The following TMEM217 variants were observed in gnomAD, a reference collection of about 807,000 sequenced individuals.
TMEM217 encodes chromosome 6 open reading frame 128.
For missense variants in TMEM217, 204 were observed against 248.8 expected, an observed-to-expected ratio of 0.82 and a Z score of 1.21; for synonymous variants, 76 against 88.3, an observed-to-expected ratio of 0.86 and a Z score of 0.78.
intron 1 of TMEM217, among the ~76,000 whole-genome samples, chr6:37,247,491 A>C (rs1765158059): frequency 6.6e-6 from 1 of 151,424 alleles, no homozygotes; most frequent in African/African-American, 2.4e-5. Context: ...GGGTTAAAGC[A>C]ATTCTACTGC....
intron 1 of TMEM217, among the ~76,000 whole-genome samples, chr6:37,238,350 T>C (rs1371459739): frequency 6.6e-6 from 1 of 152,232 alleles, no homozygotes; most frequent in Non-Finnish European, 1.5e-5. Flanking sequence ...CTACTATTTA[T>C]TATGCATATA....
chr6:37,213,784 G>A (rs994325364), downstream of TMEM217, among the ~76,000 whole-genome samples: 2 of 152,216 alleles, frequency 1.3e-5, no homozygotes, highest in Non-Finnish European at 1.5e-5. Context: ...CAGCGCAAAC[G>A]TTCCTCCACA....
At chr6:37,221,185 G>A (rs536496524) in intron 1 of TMEM217, among the ~76,000 whole-genome samples, 1 of 151,468 alleles carries the variant, frequency 6.6e-6, no homozygotes, top group East Asian at 1.9e-4. Context: ...TCATGTAAGT[G>A]GAGTCTTTTT....
intron 1 of TMEM217, among the ~76,000 whole-genome samples, chr6:37,230,053 T>C (rs1332537622): frequency 6.6e-6 from 1 of 152,246 alleles, no homozygotes; most frequent in Non-Finnish European, 1.5e-5. Flanking sequence ...ACTTCCTTGC[T>C]GGCTGTTAGC....
exon 1 of TMEM217, chr6:37,257,811 C>A (rs1223685281): frequency 8.6e-6 from 11 of 1,282,490 alleles, no homozygotes; most frequent in Non-Finnish European, 1.2e-5. Context: ...GAGCGGGTGA[C>A]CGGCGGCGGG....
chr6:37,243,106 A>C (rs1764859905), intron 1 of TMEM217, among the ~76,000 whole-genome samples: 1 of 151,910 alleles, frequency 6.6e-6, no homozygotes, highest in African/African-American at 2.4e-5. Flanking sequence ...CTGCCCCTAC[A>C]AAAAAAAGAG....
intron 1 of TMEM217, among the ~76,000 whole-genome samples, chr6:37,228,712 T>C (rs1763982158): frequency 6.8e-6 from 1 of 147,072 alleles, no homozygotes. Flanking sequence ...TCAATAATAA[T>C]AATAGCTGGG....
At chr6:37,255,080 C>A (rs942579746) in intron 1 of TMEM217, among the ~76,000 whole-genome samples, 2 of 152,148 alleles carry the variant, frequency 1.3e-5, no homozygotes, top group Non-Finnish European at 2.9e-5. Context: ...TCCTGCTGTG[C>A]GGCCTGGTTC....
Position 37,246,159 on chromosome 6 carries a change from TTTCTC to T in TMEM217, c.-12+11404_-12+11408del, listed in dbSNP as rs1213477357. ...CTTGAAAGCGTATTCTTGGCTCACT[TTTCTC>T]TTCTACTTCTCCTCTAATTCTCTCC... On this transcript the variant is annotated intron_variant, in intron 1 of 1. Transcript: ENST00000357219. Among the ~76,000 whole-genome samples, 11 of 152,320 alleles carry T rather than the reference TTTCTC, an allele frequency of 7.2e-5. No homozygotes were observed. In the East Asian group the frequency reaches 1.9e-3, roughly 27 times the overall value.
At chr6:37,227,872 T>G (rs1276099790) in intron 1 of TMEM217, among the ~76,000 whole-genome samples, 1 of 152,102 alleles carries the variant, frequency 6.6e-6, no homozygotes, top group East Asian at 1.9e-4. Flanking sequence ...ACTTTGTATA[T>G]ATCTTGAGAT....
chr6:37,234,004 T>A (rs1764349701), intron 1 of TMEM217, among the ~76,000 whole-genome samples: 1 of 152,188 alleles, frequency 6.6e-6, no homozygotes, highest in South Asian at 2.1e-4. Context: ...TTTTATTAGA[T>A]GATTTTGCCC....
intron 1 of TMEM217, among the ~76,000 whole-genome samples, chr6:37,235,397 G>A (rs1488613620): frequency 2.6e-5 from 4 of 151,864 alleles, no homozygotes; most frequent in African/African-American, 9.7e-5. Context: ...ACAGAGTCTT[G>A]CTCTGTCGCC....
intron 1 of TMEM217, among the ~76,000 whole-genome samples, chr6:37,233,509 G>A (rs776595577): frequency 3.3e-5 from 5 of 152,194 alleles, no homozygotes; most frequent in African/African-American, 4.8e-5. Flanking sequence ...AAGGGCAAGA[G>A]GCAGCTCTCT....
intron 1 of TMEM217, among the ~76,000 whole-genome samples, chr6:37,246,755 A>G (rs1300178028): frequency 6.6e-6 from 1 of 152,046 alleles, no homozygotes; most frequent in Non-Finnish European, 1.5e-5. Flanking sequence ...AATTTTAAAA[A>G]TTAGCTGATG....
intron 1 of TMEM217, among the ~76,000 whole-genome samples, chr6:37,223,798 G>T (rs777927084): frequency 6.6e-6 from 1 of 151,932 alleles, no homozygotes; most frequent in Admixed American, 6.6e-5. Flanking sequence ...GTGAGCCACT[G>T]CACCTAGCCC....
chr6:37,224,081 C>T (rs1763678880), intron 1 of TMEM217, among the ~76,000 whole-genome samples: 1 of 151,446 alleles, frequency 6.6e-6, no homozygotes, highest in African/African-American at 2.4e-5. Flanking sequence ...GGACTACAGG[C>T]GCCCACCACC....
rs1254715398 is a variant in TMEM217, at chr6:37,218,480, AT to A, written c.550del (p.Ile184PhefsTer24). 3.7e-6 allele frequency: 6 copies of A among 1,613,818 alleles called. No individual in the cohort carries two copies. The highest frequency in any genetic ancestry group is 5.1e-6 in the Non-Finnish European group (6 of 1,179,996). Reference sequence around the variant, plus strand: ...GTGTGAGCCACTGAACCCACTCGAAATTGATAATCTTTTATTTCTGCTGTGG... The same window carrying A: ...GTGTGAGCCACTGAACCCACTCGAAATGATAATCTTTTATTTCTGCTGTGG... On this transcript the variant is annotated frameshift_variant, in exon 2 of 2. Coordinates refer to ENST00000357219, the Ensembl canonical transcript of TMEM217. LOFTEE classifies it high-confidence loss of function.
chr6:37,215,098 C>A, downstream of TMEM217: 3 of 1,503,426 alleles, frequency 2.0e-6, no homozygotes, highest in South Asian at 3.8e-5. Context: ...TTGGTCTCCA[C>A]CCTCGGCACC....
At chr6:37,215,418 T>C (rs1763131676), downstream of TMEM217, 1 of 1,124,658 alleles carries the variant, frequency 8.9e-7, no homozygotes, top group Non-Finnish European at 1.2e-6. Context: ...CTACTAAAGA[T>C]ACAAAAATTA....
Sources: gnomAD v4.1 joint callset for allele counts (sites outside exome capture counted in the v4.1 genomes callset) on GRCh38, gnomAD v4.1.1 for gene constraint, MANE v1.5 for transcripts, NCBI Gene and HGNC (gene_info 2026-07-23, HGNC 2026-07-21) for gene names.